RNH1: variants seen among roughly 807,000 people sequenced by gnomAD.
RNH1 encodes the protein ribonuclease/angiogenin inhibitor 1.
Under a neutral mutation model 46.1 loss-of-function variants are expected in RNH1, and 38 were observed. The ratio of observed to expected loss-of-function variants is 0.82; its 90% CI spans 0.64 to 1.08. The LOEUF is 1.08. Among genes scored for constraint, RNH1 ranks in the 50% least tolerant of loss-of-function variants. RNH1 has a pLI of 0.00. For synonymous variants in RNH1, 319 were observed against 279.1 expected, an observed-to-expected ratio of 1.14 and a Z score of -1.43; for missense variants, 577 against 590.7, an observed-to-expected ratio of 0.98 and a Z score of 0.24.
At chr11:500,321 T>G in intron 4 of RNH1, 163 bp downstream of exon 4, 3 of 874,554 alleles carry the variant, frequency 3.4e-6, no homozygotes, top group South Asian at 1.7e-5. Flanking sequence ...CCCCCCGCTG[T>G]GAGACCGCCA....
intron 1 of RNH1, chr11:506,801 A>G (rs1565046386): frequency 6.6e-6 from 1 of 152,208 alleles, no homozygotes; most frequent in Non-Finnish European, 1.5e-5. Flanking sequence ...CCACGTGAGG[A>G]CGAACCACGC....
At chr11:500,351 G>T in intron 4 of RNH1, 133 bp downstream of exon 4, 2 of 1,084,912 alleles carry the variant, frequency 1.8e-6, no homozygotes, top group Non-Finnish European at 2.6e-6. Flanking sequence ...GCCTCTGGCT[G>T]ATGTTGGAAA....
chr11:499,522 G>A (rs762198913), intron 5 of RNH1: 15 of 697,232 alleles, frequency 2.2e-5, no homozygotes, highest in South Asian at 4.5e-5. Flanking sequence ...ACACTGAGGC[G>A]GTGAGTGGAA....
At chr11:499,414 C>A in intron 5 of RNH1, 1 of 668,462 alleles carries the variant, frequency 1.5e-6, no homozygotes, top group Non-Finnish European at 2.7e-6. Flanking sequence ...GACTTTGGGG[C>A]CCAACCAGGC....
At chr11:495,848 C>T (rs1849004555) in intron 9 of RNH1, among the ~76,000 whole-genome samples, 1 of 152,204 alleles carries the variant, frequency 6.6e-6, no homozygotes, top group Admixed American at 6.5e-5. Flanking sequence ...CCTCACTCTG[C>T]ACCTGGTGCC....
At chr11:497,885 C>A (rs1438573720) in intron 9 of RNH1, 86 bp downstream of exon 9, 31 of 1,474,000 alleles carry the variant, frequency 2.1e-5, no homozygotes, top group Non-Finnish European at 2.7e-5. Context: ...CGTGCTCACA[C>A]AGATACTCGT....
chr11:499,426 C>G, intron 5 of RNH1: 1 of 676,208 alleles, frequency 1.5e-6, no homozygotes, highest in Non-Finnish European at 2.7e-6. Context: ...CAACCAGGCC[C>G]GGGAGAAAGA....
chr11:498,654 T>C (rs1050976371), intron 7 of RNH1, 27 bp from the exon 8 acceptor site: 2 of 1,609,778 alleles, frequency 1.2e-6, no homozygotes, highest in Non-Finnish European at 1.7e-6. Flanking sequence ...ACCACAGACT[T>C]TCCTCAGCAC....
rs201691543 is a variant in RNH1, at chr11:494,851, G to A, written c.1298+32C>T. 2.2e-4 allele frequency: 358 copies of A among 1,611,646 alleles called. No individual in the cohort carries two copies. In the African/African-American group the frequency reaches 2.9e-3, roughly 13 times the overall value. On this transcript the variant is annotated intron_variant, in intron 10 of 10. Coordinates refer to ENST00000354420, the MANE Select transcript of RNH1 (RefSeq NM_203387.3). ...CCCGCCTTCCTCCCTGGGCAGCCCT[G>A]GCCGCACCACCCGCCCAGCGCGTGC...
At chr11:497,103 ACACT>A (rs894585130) in intron 9 of RNH1, among the ~76,000 whole-genome samples, 6 of 128,056 alleles carry the variant, frequency 4.7e-5, no homozygotes, top group African/African-American at 9.1e-5. Flanking sequence ...CCCATGTGCC[ACACT>A]CACGTGCTCA....
chr11:500,417 G>A, intron 4 of RNH1, 67 bp downstream of exon 4: 1 of 1,549,900 alleles, frequency 6.5e-7, no homozygotes, highest in Non-Finnish European at 8.7e-7. Flanking sequence ...TGGCGGCTCT[G>A]TCCCCTGCTG....
At position 498,588 on chromosome 11, in the gene RNH1, AT is replaced by A. The variant is rs775833182; in HGVS notation, c.824del (p.Asp275ValfsTer12). 2 of 1,612,912 alleles carry A rather than the reference AT, an allele frequency of 1.2e-6. No individual in the cohort carries two copies. The highest frequency in any genetic ancestry group is 1.7e-5 in the Admixed American group (1 of 60,018). On this transcript the variant is annotated frameshift_variant, in exon 8 of 11. Transcript: ENST00000354420. LOFTEE classifies it high-confidence loss of function. ...ECGITAKGCG[D>X]LCRVLRAKES... is the part of the protein sequence containing the mutation. Reference sequence around the variant, plus strand: ...CCTTGGCCCTGAGGACACGGCACAGATCCCCGCAGCCCTTGGCAGTGATGCC... The same window carrying A: ...CCTTGGCCCTGAGGACACGGCACAGACCCCGCAGCCCTTGGCAGTGATGCC...
At chr11:495,174 G>A (rs1395839277) in intron 9 of RNH1, 121 bp from the exon 10 acceptor site, 4 of 998,092 alleles carry the variant, frequency 4.0e-6, no homozygotes, top group Admixed American at 5.0e-5. Flanking sequence ...AGGACCCTCA[G>A]GTGGGGCCGT....
At chr11:500,282 G>GA in intron 4 of RNH1, 1 of 707,564 alleles carries the variant, frequency 1.4e-6, no homozygotes, top group Non-Finnish European at 2.3e-6. Flanking sequence ...TGGGTGCGGG[G>GA]GCTGGGATAA....
intron 1 of RNH1, chr11:506,037 GC>G (rs1467518993): frequency 6.6e-6 from 1 of 152,390 alleles, no homozygotes; most frequent in African/African-American, 2.4e-5. Context: ...CTGCCACCAC[GC>G]CCGGCTAATT....
intron 9 of RNH1, among the ~76,000 whole-genome samples, chr11:495,555 G>T (rs1340313042): frequency 6.6e-6 from 1 of 152,216 alleles, no homozygotes; most frequent in Non-Finnish European, 1.5e-5. Flanking sequence ...TTCCCGGGGT[G>T]GAGCCGCCAC....
At chr11:499,303 G>A in intron 5 of RNH1, 118 bp from the exon 6 acceptor site, 1 of 1,149,444 alleles carries the variant, frequency 8.7e-7, no homozygotes, top group Non-Finnish European at 1.2e-6. Flanking sequence ...CTGGGCATCA[G>A]GTGTCAGTGC....
chr11:497,673 G>A (rs1332067960), intron 9 of RNH1, among the ~76,000 whole-genome samples: 13 of 117,558 alleles, frequency 1.1e-4, no homozygotes, highest in African/African-American at 3.5e-4. Context: ...TCACACACAC[G>A]TGCTCACCCA....
intron 5 of RNH1, chr11:499,426 C>A: frequency 3.0e-6 from 2 of 676,206 alleles, no homozygotes; most frequent in South Asian, 1.6e-5. Flanking sequence ...CAACCAGGCC[C>A]GGGAGAAAGA....
Sources: gnomAD v4.1 joint callset for allele counts (sites outside exome capture counted in the v4.1 genomes callset) on GRCh38, gnomAD v4.1.1 for gene constraint, MANE v1.5 for transcripts, NCBI Gene and HGNC (gene_info 2026-07-23, HGNC 2026-07-21) for gene names.